Variants in GABRG3 observed in about 807,000 individuals in gnomAD.
GABRG3 encodes the protein gamma-aminobutyric acid type A receptor subunit gamma3.
In GABRG3, 25 loss-of-function variants were observed where a neutral mutation model predicts 48.8. That is an observed-to-expected ratio of 0.51 (90% confidence interval 0.37 to 0.72). The LOEUF (loss-of-function observed/expected upper bound fraction) is 0.72, where lower values mean the gene tolerates loss of function less well. Among genes scored for constraint, GABRG3 ranks in the 30% least tolerant of loss-of-function variants. The pLI, the probability that GABRG3 is intolerant of heterozygous loss-of-function variation, is 0.00. For synonymous variants in GABRG3, 227 were observed against 217.6 expected (o/e 1.04, Z -0.38); for missense variants, 394 against 577.9 (o/e 0.68, Z 3.26).
chr15:27,300,451 G>A (rs1397655183), intron 3 of GABRG3, among the ~76,000 whole-genome samples: 3 of 151,934 alleles, frequency 2.0e-5, no homozygotes, highest in Admixed American at 6.6e-5. Context: ...ATCACTTGAG[G>A]TCAGGAGTTG....
intron 3 of GABRG3, among the ~76,000 whole-genome samples, chr15:27,277,471 T>G (rs1327496048): frequency 6.6e-6 from 1 of 152,240 alleles, no homozygotes; most frequent in Non-Finnish European, 1.5e-5. Context: ...CCTTAAATTC[T>G]TTGATGACTT....
chr15:27,197,475 T>G (rs1888532017), intron 3 of GABRG3, among the ~76,000 whole-genome samples: 1 of 151,870 alleles, frequency 6.6e-6, no homozygotes, highest in South Asian at 2.1e-4. Context: ...GGCTATTTTT[T>G]TTTTTTTTTT....
intron 7 of GABRG3, 51 bp downstream of exon 7, chr15:27,520,175 G>A: frequency 6.7e-7 from 1 of 1,498,176 alleles, no homozygotes; most frequent in Admixed American, 2.2e-5. Flanking sequence ...TAATATAGAA[G>A]CATTCATAAA....
chr15:27,017,836 C>A (rs1439281770), intron 2 of GABRG3, among the ~76,000 whole-genome samples: 2 of 152,158 alleles, frequency 1.3e-5, no homozygotes, highest in African/African-American at 4.8e-5. Flanking sequence ...AAAGTAGGGT[C>A]TGGGGCTTTC....
At chr15:27,254,888 C>CAG (rs1555412922) in intron 3 of GABRG3, among the ~76,000 whole-genome samples, 3 of 150,586 alleles carry the variant, frequency 2.0e-5, no homozygotes, top group African/African-American at 7.3e-5. Context: ...GAGAGACAGA[C>CAG]ACAGACAGAC....
chr15:27,377,910 A>G (rs1204999828), intron 5 of GABRG3, among the ~76,000 whole-genome samples: 2 of 152,152 alleles, frequency 1.3e-5, no homozygotes, highest in African/African-American at 2.4e-5. Flanking sequence ...AACTCCTTTG[A>G]GGCTTTTGTG....
At chr15:27,196,236 A>G (rs2140426031) in intron 3 of GABRG3, among the ~76,000 whole-genome samples, 1 of 152,138 alleles carries the variant, frequency 6.6e-6, no homozygotes, top group East Asian at 1.9e-4. Context: ...CTTATAAATA[A>G]CACCCTCTTC....
intron 5 of GABRG3, among the ~76,000 whole-genome samples, chr15:27,425,238 T>C (rs1888254850): frequency 6.6e-6 from 1 of 152,126 alleles, no homozygotes; most frequent in African/African-American, 2.4e-5. Flanking sequence ...TTTTGCTGTA[T>C]AGACTCTAAC....
At chr15:27,450,621 T>C (rs1240735346) in intron 5 of GABRG3, among the ~76,000 whole-genome samples, 1 of 152,098 alleles carries the variant, frequency 6.6e-6, no homozygotes, top group African/African-American at 2.4e-5. Flanking sequence ...GGTGAAAGGC[T>C]GAAGGCTTTT....
intron 2 of GABRG3, among the ~76,000 whole-genome samples, chr15:26,990,548 G>A (rs1415560620): frequency 6.6e-6 from 1 of 152,068 alleles, no homozygotes; most frequent in Admixed American, 6.6e-5. Context: ...TGGATAGTTT[G>A]CAAATATTTT....
At chr15:27,184,748 T>G (rs1006369494) in intron 3 of GABRG3, among the ~76,000 whole-genome samples, 1 of 152,296 alleles carries the variant, frequency 6.6e-6, no homozygotes, top group South Asian at 2.1e-4. Context: ...TTGTGTTTAA[T>G]GTAGTTTGAA....
At chr15:26,980,263 T>C (rs1895028373) in intron 2 of GABRG3, among the ~76,000 whole-genome samples, 1 of 152,230 alleles carries the variant, frequency 6.6e-6, no homozygotes, top group Non-Finnish European at 1.5e-5. Flanking sequence ...ACCAACTTTT[T>C]GTATGATAGT....
intron 5 of GABRG3, among the ~76,000 whole-genome samples, chr15:27,380,851 T>C (rs781648560): frequency 8.8e-5 from 13 of 147,870 alleles, no homozygotes; most frequent in East Asian, 8.0e-4. Context: ...CTGCAAGCTC[T>C]GCCTCCTGGG....
chr15:27,339,369 T>A (rs1894087092), intron 5 of GABRG3, among the ~76,000 whole-genome samples: 1 of 152,250 alleles, frequency 6.6e-6, no homozygotes, highest in African/African-American at 2.4e-5. Flanking sequence ...AGAATCAAGC[T>A]GTTGCCCTGG....
intron 2 of GABRG3, among the ~76,000 whole-genome samples, chr15:26,998,884 T>C (rs1895389164): frequency 6.6e-6 from 1 of 152,220 alleles, no homozygotes; most frequent in Admixed American, 6.5e-5. Context: ...CTTCCTTTGC[T>C]GTATACCCTT....
chr15:27,220,554 A>G (rs923963084), intron 3 of GABRG3, among the ~76,000 whole-genome samples: 1 of 152,118 alleles, frequency 6.6e-6, no homozygotes, highest in African/African-American at 2.4e-5. Flanking sequence ...TTTCCCCCTT[A>G]TCTGAGGACT....
chr15:27,397,157 A>G (rs1887326143), intron 5 of GABRG3, among the ~76,000 whole-genome samples: 1 of 152,202 alleles, frequency 6.6e-6, no homozygotes, highest in African/African-American at 2.4e-5. Context: ...ATCTGACTGT[A>G]TTATAAGTGA....
intron 7 of GABRG3, among the ~76,000 whole-genome samples, chr15:27,525,426 G>A (rs893226321): frequency 8.3e-4 from 127 of 152,224 alleles, no homozygotes; most frequent in African/African-American, 3.1e-3. Flanking sequence ...CATGCCAACA[G>A]GTGTTTTTGC....
intron 2 of GABRG3, among the ~76,000 whole-genome samples, chr15:26,985,772 C>T (rs999307387): frequency 4.6e-5 from 7 of 151,964 alleles, no homozygotes; most frequent in Non-Finnish European, 1.0e-4. Flanking sequence ...TATGAAGGGC[C>T]GTACAAAGAA....
Sources: allele counts gnomAD v4.1 joint callset (sites outside exome capture counted in the v4.1 genomes callset), GRCh38; gene constraint gnomAD v4.1.1; transcripts MANE v1.5; gene names NCBI Gene and HGNC (gene_info 2026-07-23, HGNC 2026-07-21).